VGLL4: variants seen among roughly 807,000 people sequenced by gnomAD.
VGLL4 encodes transcription cofactor vestigial-like protein 4.
Under a neutral mutation model 21.0 loss-of-function variants are expected in VGLL4, and 7 were observed. The observed-to-expected ratio is 0.33, with a 90% CI of 0.19 to 0.63. VGLL4 has a LOEUF of 0.63. Among genes scored for constraint, VGLL4 ranks in the 20% least tolerant of loss-of-function variants. VGLL4 has a pLI of 0.78. For synonymous variants in VGLL4, 222 were observed against 173.2 expected, an observed-to-expected ratio of 1.28 and a Z score of -2.21; for missense variants, 394 against 425.7, an observed-to-expected ratio of 0.93 and a Z score of 0.66.
At position 11,568,734 on chromosome 3, in the gene VGLL4, A is replaced by T. The variant is rs2073652323; in HGVS notation, c.273-3715T>A. The T allele has an allele frequency of 2.6e-6, 4 of 1,536,668 alleles. No individual in the cohort carries two copies. In the South Asian group the frequency reaches 4.9e-5, roughly 19 times the overall value. ...CATGTGCTCCCGGGGACGGCAGAAA[A>T]CCGCACGCATCCTGCCCGGGAGATG... On this transcript the variant is annotated intron_variant, in intron 2 of 4. Coordinates refer to ENST00000430365, the MANE Select transcript of VGLL4 (RefSeq NM_001128219.3). This position sits in a 1 kb window ranked among gnomAD's most constrained non-coding sequence, Gnocchi z 5.9.
intron 2 of VGLL4, among the ~76,000 whole-genome samples, chr3:11,590,698 G>C (rs1290980774): frequency 1.3e-5 from 2 of 151,212 alleles, no homozygotes; most frequent in African/African-American, 4.9e-5. Context: ...GTGTGTGTGT[G>C]TGTGTGTGTG....
intron 2 of VGLL4, among the ~76,000 whole-genome samples, chr3:11,566,408 C>T (rs1193526303): frequency 6.6e-6 from 1 of 152,228 alleles, no homozygotes; most frequent in African/African-American, 2.4e-5. Flanking sequence ...CAACTACCAA[C>T]CTTATTCAGA....
chr3:11,618,960 G>A (rs555344651), intron 1 of VGLL4, among the ~76,000 whole-genome samples: 1 of 152,292 alleles, frequency 6.6e-6, no homozygotes, highest in South Asian at 2.1e-4. Context: ...GAGAAGCCAG[G>A]AAGGGCTGAC....
intron 2 of VGLL4, among the ~76,000 whole-genome samples, chr3:11,654,657 T>C (rs1473342494): frequency 6.6e-6 from 1 of 152,170 alleles, no homozygotes; most frequent in African/African-American, 2.4e-5. Flanking sequence ...TTTCAACAAA[T>C]CCACCTTCCT....
upstream of VGLL4, among the ~76,000 whole-genome samples, chr3:11,646,103 T>C (rs2075786737): frequency 6.6e-6 from 1 of 152,212 alleles, no homozygotes; most frequent in African/African-American, 2.4e-5. Context: ...TTTCACAAGC[T>C]TTCATTTATA....
At chr3:11,685,972 A>G (rs2076441471) in intron 2 of VGLL4, among the ~76,000 whole-genome samples, 1 of 152,230 alleles carries the variant, frequency 6.6e-6, no homozygotes, top group Non-Finnish European at 1.5e-5. Flanking sequence ...AGGCAAATAC[A>G]AATCAAAACA....
chr3:11,676,214 C>T lies in VGLL4; in HGVS notation c.64+26757G>A, dbSNP rs571953294. On this transcript the variant is annotated intron_variant, in intron 2 of 5. Coordinates refer to the VGLL4 transcript ENST00000273038. ...CATCCTGGCTAACACGGTGAAACCC[C>T]GTCTCTACTAAAAATACAAAAAATT... Among the ~76,000 whole-genome samples, 153 of 152,026 alleles carry T rather than the reference C, an allele frequency of 1.0e-3. 1 individual carries two copies. Among genetic ancestry groups the T allele is most frequent in the Non-Finnish European group, 1.9e-3 (130 of 68,004 alleles).
intron 1 of VGLL4, among the ~76,000 whole-genome samples, chr3:11,625,638 T>A (rs1490678726): frequency 6.6e-6 from 1 of 152,206 alleles, no homozygotes. Flanking sequence ...CAGCTAAAGA[T>A]TAGTGAAGGC....
At chr3:11,675,037 G>T (rs1575519917) in intron 2 of VGLL4, among the ~76,000 whole-genome samples, 1 of 152,120 alleles carries the variant, frequency 6.6e-6, no homozygotes, top group African/African-American at 2.4e-5. Context: ...CCATCTTTTC[G>T]GTTTTAACCA....
intron 1 of VGLL4, among the ~76,000 whole-genome samples, chr3:11,628,014 G>C (rs914170814): frequency 2.0e-5 from 3 of 152,148 alleles, no homozygotes; most frequent in African/African-American, 7.2e-5. Context: ...GCTTCTGAAG[G>C]CCCTCACAAC....
At chr3:11,602,826 G>C (rs942474102) in intron 1 of VGLL4, among the ~76,000 whole-genome samples, 11 of 152,136 alleles carry the variant, frequency 7.2e-5, no homozygotes, top group Admixed American at 5.9e-4. Flanking sequence ...AATAAGCATA[G>C]CCTTTCATAG....
intron 1 of VGLL4, among the ~76,000 whole-genome samples, chr3:11,718,616 T>G (rs967359385): frequency 5.3e-5 from 8 of 152,282 alleles, no homozygotes; most frequent in African/African-American, 1.9e-4. Context: ...ATTTTTTTTT[T>G]GTCTTTGACT....
At chr3:11,637,844 G>C (rs150689154) in intron 1 of VGLL4, among the ~76,000 whole-genome samples, 332 of 152,214 alleles carry the variant, frequency 2.2e-3, no homozygotes, top group Non-Finnish European at 3.5e-3. Flanking sequence ...TGACACATGA[G>C]TTCATTAAAA....
At chr3:11,696,777 C>T (rs866801174) in intron 2 of VGLL4, among the ~76,000 whole-genome samples, 9 of 152,154 alleles carry the variant, frequency 5.9e-5, no homozygotes, top group South Asian at 2.1e-4. Flanking sequence ...TCTCAGTCGT[C>T]GCCCAGGCTG....
chr3:11,691,922 G>A (rs571034425), intron 2 of VGLL4, among the ~76,000 whole-genome samples: 3 of 151,582 alleles, frequency 2.0e-5, no homozygotes, highest in South Asian at 2.1e-4. Flanking sequence ...GATACTGACC[G>A]GGGCAGTGAC....
At chr3:11,630,047 G>A (rs1410880995) in intron 1 of VGLL4, among the ~76,000 whole-genome samples, 3 of 152,142 alleles carry the variant, frequency 2.0e-5, no homozygotes. Flanking sequence ...GCTGCCTGCT[G>A]GTTTCCATGG....
At chr3:11,578,911 G>A (rs1214875614) in intron 2 of VGLL4, among the ~76,000 whole-genome samples, 10 of 151,756 alleles carry the variant, frequency 6.6e-5, no homozygotes, top group Non-Finnish European at 1.2e-4. Flanking sequence ...CACCACGCCC[G>A]GCTAATTTTT....
At chr3:11,624,274 C>T (rs1012558933) in intron 1 of VGLL4, among the ~76,000 whole-genome samples, 3 of 152,222 alleles carry the variant, frequency 2.0e-5, no homozygotes, top group Non-Finnish European at 4.4e-5. Context: ...ACTTTCACAA[C>T]TGATCAATAC....
chr3:11,684,640 C>T (rs2076419396), intron 2 of VGLL4, among the ~76,000 whole-genome samples: 1 of 152,042 alleles, frequency 6.6e-6, no homozygotes, highest in Non-Finnish European at 1.5e-5. Context: ...CTCAGCCTCT[C>T]AAAGTGCTGG....
Sources: allele counts gnomAD v4.1 joint callset (sites outside exome capture counted in the v4.1 genomes callset), GRCh38; gene constraint gnomAD v4.1.1; non-coding constraint Gnocchi (gnomAD v3.1); transcripts MANE v1.5; gene names NCBI Gene and HGNC (gene_info 2026-07-23, HGNC 2026-07-21).